HMG20A: variants seen among roughly 807,000 people sequenced by gnomAD.
HMG20A encodes high mobility group protein 20A.
HMG20A carries 17 observed loss-of-function variants against 43.9 expected under a neutral mutation model. The observed-to-expected ratio is 0.39, with a 90% confidence interval of 0.27 to 0.58. The LOEUF (loss-of-function observed/expected upper bound fraction) is 0.58. HMG20A is among the 20% of genes least tolerant of loss of function. The probability of loss-of-function intolerance (pLI) is 0.59; values close to 1 mark genes in which losing one functional copy is unlikely to be tolerated. For missense variants in HMG20A, 341 were observed against 438.2 expected, an observed-to-expected ratio of 0.78 and a Z score of 1.98; for synonymous variants, 132 against 147.5, an observed-to-expected ratio of 0.89 and a Z score of 0.76.
At chr15:77,503,812 A>G in the HMG20A span, among the ~76,000 whole-genome samples, 1 of 152,204 alleles carries the variant, frequency 6.6e-6, no homozygotes, top group Non-Finnish European at 1.5e-5. Context: ...GTAGGGCCCA[A>G]GAGTCTGTAT....
At chr15:77,465,002 G>A (rs2072741714) in intron 3 of HMG20A, among the ~76,000 whole-genome samples, 1 of 151,510 alleles carries the variant, frequency 6.6e-6, no homozygotes, top group Non-Finnish European at 1.5e-5. Flanking sequence ...GCTCATGCCT[G>A]TAATCCTAGC....
At chr15:77,468,499 AT>A (rs2142342870) in intron 4 of HMG20A, among the ~76,000 whole-genome samples, 1 of 152,098 alleles carries the variant, frequency 6.6e-6, no homozygotes, top group East Asian at 1.9e-4. Flanking sequence ...TTGTTAACAC[AT>A]TTTATTCCAT....
chr15:77,478,748 TC>T (rs2072880277), intron 8 of HMG20A, among the ~76,000 whole-genome samples: 1 of 152,244 alleles, frequency 6.6e-6, no homozygotes, highest in African/African-American at 2.4e-5. Flanking sequence ...ATATCTATTT[TC>T]CCCTCTTTTA....
In HMG20A at chr15:77,460,639, T is replaced by C. The variant is rs562113874; in HGVS notation, c.89+2143T>C. ...ACCAAAGAAATGAGCACTCTGTAGATGGAAGAAAGAAGAGCTCTAAAGCCT... is the reference window on the plus strand; with the variant it reads ...ACCAAAGAAATGAGCACTCTGTAGACGGAAGAAAGAAGAGCTCTAAAGCCT... On this transcript the variant is annotated intron_variant, in intron 2 of 9. Coordinates refer to ENST00000336216, the MANE Select transcript of HMG20A (RefSeq NM_001304504.2). Among the ~76,000 whole-genome samples, 5 of 152,166 alleles carry C rather than the reference T, an allele frequency of 3.3e-5. No individual in the cohort carries two copies. The South Asian group carries it at 1.0e-3, about 32-fold the overall frequency.
chr15:77,423,750 G>A (rs1220785130), intron 1 of HMG20A, among the ~76,000 whole-genome samples: 1 of 152,072 alleles, frequency 6.6e-6, no homozygotes, highest in Non-Finnish European at 1.5e-5. Flanking sequence ...TGTAAAATCA[G>A]GCTAATGTTT....
rs1294258601 is a variant in HMG20A, at chr15:77,477,593, C to T, written c.654C>T (p.Ile218=). The T allele has an allele frequency of 6.2e-7, 1 of 1,612,218 alleles. No individual in the cohort carries two copies. The highest frequency in any genetic ancestry group is 8.5e-7 in the Non-Finnish European group (1 of 1,178,704). The change falls in exon 7 of 10, where the codon ATC becomes ATT. Residue 218 remains isoleucine, a synonymous_variant. Transcript: ENST00000336216. ...TAAAGGAACGGTCTGTTTTTGACAT[C>T]CCTATATTTACAGAGGAATTCTTGA... ...TEVKERSVFD[I]PIFTEEFLNH...
chr15:77,501,527 A>C, the HMG20A span, among the ~76,000 whole-genome samples: 1 of 152,182 alleles, frequency 6.6e-6, no homozygotes, highest in Non-Finnish European at 1.5e-5. Flanking sequence ...AGAACCTCAG[A>C]GCTCCGACCT....
At chr15:77,475,228 A>G (rs1370421812) in intron 6 of HMG20A, among the ~76,000 whole-genome samples, 4 of 152,200 alleles carry the variant, frequency 2.6e-5, no homozygotes, top group Admixed American at 2.6e-4. Context: ...AAATGTGCTC[A>G]GTAATGGAAG....
intron 2 of HMG20A, among the ~76,000 whole-genome samples, chr15:77,463,966 T>G (rs1290689461): frequency 1.3e-5 from 2 of 152,200 alleles, no homozygotes; most frequent in African/African-American, 2.4e-5. Context: ...AAACATGAAG[T>G]CTGTGTTGAG....
intron 3 of HMG20A, among the ~76,000 whole-genome samples, chr15:77,465,260 CAAA>C (rs71145837): frequency 6.8e-5 from 4 of 59,184 alleles, no homozygotes; most frequent in Non-Finnish European, 8.0e-5. Flanking sequence ...GACTTCGTCT[CAAA>C]AAAAAAAAAA....
chr15:77,488,321 A>G (rs949127487), downstream of HMG20A, among the ~76,000 whole-genome samples: 3 of 152,230 alleles, frequency 2.0e-5, no homozygotes, highest in Admixed American at 6.5e-5. Context: ...TTATTTGGGA[A>G]TACAAAGATG....
chr15:77,467,076 A>G lies in HMG20A; in HGVS notation c.238-19A>G, dbSNP rs761122245. ...GTTGTTGTTTGGTTTTTGGTTTTTT[A>G]TTTTGTTTTGTTTTGTAGCAACGAA... On this transcript the variant is annotated intron_variant, in intron 3 of 9. Transcript: ENST00000336216. 1.1e-5 allele frequency: 17 copies of G among 1,590,496 alleles called. No homozygotes were observed. Among genetic ancestry groups the G allele is most frequent in the Non-Finnish European group, 6.0e-6 (7 of 1,165,996 alleles).
chr15:77,476,929 A>G (rs995774075), intron 6 of HMG20A, among the ~76,000 whole-genome samples: 7 of 151,762 alleles, frequency 4.6e-5, no homozygotes, highest in African/African-American at 1.7e-4. Flanking sequence ...TTTGCTTTCT[A>G]ATTTTTAGAG....
the HMG20A span, among the ~76,000 whole-genome samples, chr15:77,503,522 T>C: frequency 6.6e-6 from 1 of 152,124 alleles, no homozygotes; most frequent in African/African-American, 2.4e-5. Flanking sequence ...TTGAGCCCTC[T>C]CCTCAGGAGA....
chr15:77,426,011 C>T (rs1339746190), intron 1 of HMG20A, among the ~76,000 whole-genome samples: 2 of 152,178 alleles, frequency 1.3e-5, no homozygotes, highest in Admixed American at 6.5e-5. Context: ...AAAGAAGTCA[C>T]ATACAAAAGG....
chr15:77,465,395 T>C (rs1420300658), intron 3 of HMG20A, among the ~76,000 whole-genome samples: 2 of 132,602 alleles, frequency 1.5e-5, no homozygotes, highest in Non-Finnish European at 3.5e-5. Context: ...GTTCTGTTGT[T>C]TTTTGTTTTT....
the HMG20A span, among the ~76,000 whole-genome samples, chr15:77,502,182 T>C: frequency 6.6e-6 from 1 of 152,250 alleles, no homozygotes; most frequent in Non-Finnish European, 1.5e-5. Context: ...AATACGGCCA[T>C]GCTGGTTTAT....
At chr15:77,477,412 T>C (rs2072866488) in intron 6 of HMG20A, 143 bp from the exon 7 acceptor site, 1 of 623,416 alleles carries the variant, frequency 1.6e-6, no homozygotes, top group Non-Finnish European at 2.8e-6. Context: ...AAAAGATGAA[T>C]ACATTTCCCT....
rs1361077919 is a variant in HMG20A, at chr15:77,484,073, C to CT, written c.*1113dup. ...CCTTCCCCCTCCTTAGTGATTTTTT[C>CT]TTTAACAGCATAAGTAAAGAGGACT... On this transcript the variant is annotated 3_prime_UTR_variant, in exon 10 of 10. Transcript: ENST00000336216. The CT allele has an allele frequency of 6.6e-6, 1 of 152,126 alleles. No homozygotes were observed. The highest frequency in any genetic ancestry group is 6.5e-5 in the Admixed American group (1 of 15,280). 9.4% of individuals were successfully genotyped at this position (152,126 alleles called of 1,614,324 possible).
Sources: allele counts gnomAD v4.1 joint callset (sites outside exome capture counted in the v4.1 genomes callset), GRCh38; gene constraint gnomAD v4.1.1; transcripts MANE v1.5; gene names NCBI Gene and HGNC (gene_info 2026-07-23, HGNC 2026-07-21).